Variants in TAOK3 observed in about 807,000 individuals in gnomAD.
The protein encoded by TAOK3 is TAO kinase 3, also known as serine/threonine-protein kinase TAO3.
A neutral mutation model predicts 120.4 loss-of-function variants in TAOK3; 40 were observed. The ratio of observed to expected loss-of-function variants is 0.33; its 90% CI spans 0.26 to 0.43. TAOK3 has a LOEUF of 0.43. Among genes scored for constraint, TAOK3 ranks in the 20% least tolerant of loss-of-function variants. The pLI, the probability that TAOK3 is intolerant of heterozygous loss-of-function variation, is 1.00. For synonymous variants in TAOK3, 355 were observed against 387.5 expected (o/e 0.92, Z 0.99); for missense variants, 821 against 1,112.1 (o/e 0.74, Z 3.72).
intron 9 of TAOK3, 198 bp from the exon 10 acceptor site, chr12:118,214,308 T>C (rs1469837481): frequency 2.0e-6 from 1 of 512,274 alleles, no homozygotes; most frequent in Non-Finnish European, 3.4e-6. Context: ...TAAATGTACA[T>C]TGGCAAAGCT....
chr12:118,189,675 T>C, intron 14 of TAOK3, 132 bp downstream of exon 14: 1 of 1,137,946 alleles, frequency 8.8e-7, no homozygotes, highest in Non-Finnish European at 1.3e-6. Context: ...AATAAAATTA[T>C]TAGGAGAGAG....
intron 3 of TAOK3, among the ~76,000 whole-genome samples, chr12:118,248,120 T>C (rs2040594665): frequency 6.6e-6 from 1 of 152,000 alleles, no homozygotes. Flanking sequence ...TTTATGATTT[T>C]TAAAAACGGT....
At chr12:118,190,117 C>T in intron 13 of TAOK3, 176 bp from the exon 14 acceptor site, 1 of 727,100 alleles carries the variant, frequency 1.4e-6, no homozygotes. Flanking sequence ...TTGCAGCCTT[C>T]AGTTAGGAAT....
At chr12:118,313,225 G>A (rs2140874666) in intron 1 of TAOK3, among the ~76,000 whole-genome samples, 1 of 152,110 alleles carries the variant, frequency 6.6e-6, no homozygotes, top group South Asian at 2.1e-4. Context: ...CTATTACAAG[G>A]AAAGAGAATG....
intron 1 of TAOK3, among the ~76,000 whole-genome samples, chr12:118,318,517 A>G (rs989121734): frequency 3.9e-5 from 6 of 152,160 alleles, no homozygotes; most frequent in Non-Finnish European, 8.8e-5. Flanking sequence ...TTTCTTAATT[A>G]AAACCACAAG....
Position 118,172,654 on chromosome 12 carries a change from T to G in TAOK3, c.1702A>C (p.Asn568His), listed in dbSNP as rs749392964. Residue 568 changes from asparagine to histidine, a missense_variant, in exon 17 of 21, where the codon AAT (asparagine) becomes CAT (histidine). Physicochemically the swap from Asn to His is moderately conservative, Grantham distance 68. Transcript: ENST00000392533. ...ICKEKIKEEM[N>H]EDHSTPKKEK... ...TTCTTGGGTGTGCTATGGTCCTCAT[T>G]CATTTCCTAAAAAGAACAGACAAAA... 3 of 1,614,096 alleles carry G rather than the reference T, an allele frequency of 1.9e-6. No individual in the cohort carries two copies. The South Asian group carries it at 3.3e-5, about 18-fold the overall frequency.
At position 118,151,232 on chromosome 12, in the gene TAOK3, T is replaced by C. The variant is rs144436748; in HGVS notation, c.2536-74A>G. The stretch of plus-strand genomic sequence containing the variant: ...CACCCACGTGCACGCGATACACCCA[T>C]AGGCACACATATGACATGCACACAC... On this transcript the variant is annotated intron_variant, in intron 20 of 20. Coordinates refer to ENST00000392533, the MANE Select transcript of TAOK3 (RefSeq NM_016281.4). 547 of 1,494,184 alleles carry C rather than the reference T, an allele frequency of 3.7e-4. 14 individuals are homozygous for C. In the East Asian group the frequency reaches 7.9e-3, roughly 22 times the overall value. The allele number at this position is 1,494,184 out of a possible 1,614,324, so 92.6% of individuals were successfully genotyped here.
intron 12 of TAOK3, 165 bp from the exon 13 acceptor site, chr12:118,199,422 T>C: frequency 1.6e-6 from 1 of 625,690 alleles, no homozygotes; most frequent in Non-Finnish European, 2.9e-6. Context: ...TCCACCATTT[T>C]CATACATCTC....
chr12:118,201,162 A>G (rs931821315), intron 12 of TAOK3, 134 bp downstream of exon 12: 2 of 841,270 alleles, frequency 2.4e-6, no homozygotes, highest in Non-Finnish European at 3.6e-6. Context: ...TGTCTCTTGT[A>G]CAACCCTTCA....
intron 1 of TAOK3, among the ~76,000 whole-genome samples, chr12:118,325,065 TA>T (rs1306390979): frequency 2.0e-5 from 3 of 152,214 alleles, no homozygotes; most frequent in Non-Finnish European, 4.4e-5. Context: ...CATTCTTTTT[TA>T]TGGCTCAATA....
chr12:118,272,967 A>C (rs2041771838), intron 1 of TAOK3, among the ~76,000 whole-genome samples: 1 of 151,866 alleles, frequency 6.6e-6, no homozygotes, highest in Non-Finnish European at 1.5e-5. Context: ...CAAAGTAAGA[A>C]CTTGTCTGGA....
chr12:118,242,211 C>G (rs572392721), intron 5 of TAOK3, among the ~76,000 whole-genome samples: 6 of 152,298 alleles, frequency 3.9e-5, no homozygotes, highest in Non-Finnish European at 4.4e-5. Flanking sequence ...CTTGAAATCC[C>G]TTTCTTGACT....
At chr12:118,232,258 T>G (rs921726081) in intron 9 of TAOK3, among the ~76,000 whole-genome samples, 4 of 152,212 alleles carry the variant, frequency 2.6e-5, no homozygotes, top group Admixed American at 2.6e-4. Flanking sequence ...GTTCAAAATA[T>G]ACAACCAAAG....
intron 1 of TAOK3, among the ~76,000 whole-genome samples, chr12:118,311,519 A>G (rs1436404958): frequency 3.9e-5 from 6 of 152,224 alleles, no homozygotes; most frequent in Admixed American, 3.3e-4. Flanking sequence ...GATTTTCACC[A>G]TGAGATAGGG....
In TAOK3 at chr12:118,253,876, C is replaced by T. The variant is rs1041987831; in HGVS notation, c.120+1572G>A. On this transcript the variant is annotated intron_variant, in intron 3 of 20. Coordinates refer to ENST00000392533, the MANE Select transcript of TAOK3 (RefSeq NM_016281.4). ...CCAGCCTGGCCAACATGGTGAAACC[C>T]GGTCTCTACTAAAAATACAAAAATT... Among the ~76,000 whole-genome samples, 7 of 152,134 alleles carry T rather than the reference C, an allele frequency of 4.6e-5. 1 individual carries two copies. The South Asian group carries it at 8.3e-4, about 18-fold the overall frequency.
At chr12:118,320,593 C>T (rs1165367019) in intron 1 of TAOK3, among the ~76,000 whole-genome samples, 2 of 152,108 alleles carry the variant, frequency 1.3e-5, no homozygotes, top group Non-Finnish European at 2.9e-5. Flanking sequence ...TGATTGGACA[C>T]ATACTGGCCA....
intron 20 of TAOK3, among the ~76,000 whole-genome samples, chr12:118,151,984 G>A (rs1566215452): frequency 6.6e-6 from 1 of 152,188 alleles, no homozygotes; most frequent in Non-Finnish European, 1.5e-5. Context: ...GGCTGGGAAC[G>A]TTGAGGGTTT....
chr12:118,347,170 A>AT (rs944306128), intron 1 of TAOK3, among the ~76,000 whole-genome samples: 4 of 152,110 alleles, frequency 2.6e-5, no homozygotes, highest in Admixed American at 1.3e-4. Context: ...CACCCAGCTA[A>AT]TTTTTTTAAA....
intron 1 of TAOK3, among the ~76,000 whole-genome samples, chr12:118,343,154 G>A (rs958023393): frequency 1.3e-5 from 2 of 151,830 alleles, no homozygotes; most frequent in African/African-American, 2.4e-5. Flanking sequence ...GTGGCCAGGT[G>A]CGGTGGCTCA....
Sources: gnomAD v4.1 joint callset for allele counts (sites outside exome capture counted in the v4.1 genomes callset) on GRCh38, gnomAD v4.1.1 for gene constraint, MANE v1.5 for transcripts, NCBI Gene and HGNC (gene_info 2026-07-23, HGNC 2026-07-21) for gene names.